Variants in PPIE observed in about 807,000 individuals in gnomAD.
PPIE encodes peptidylprolyl isomerase E, also known as peptidyl-prolyl cis-trans isomerase E.
A neutral mutation model predicts 38.4 loss-of-function variants in PPIE; 20 were observed. The observed-to-expected ratio is 0.52, with a 90% confidence interval of 0.37 to 0.76. The LOEUF (loss-of-function observed/expected upper bound fraction) is 0.76. Among genes scored for constraint, PPIE ranks in the 30% least tolerant of loss-of-function variants. PPIE has a pLI of 0.00. For missense variants in PPIE, 322 were observed against 385.8 expected (o/e 0.83, Z 1.39); for synonymous variants, 142 against 135.7 (o/e 1.05, Z -0.32).
chr1:39,758,540 T>C, downstream of PPIE: 2 of 152,326 alleles, frequency 1.3e-5, 1 homozygote, highest in Non-Finnish European at 2.9e-5. Flanking sequence ...TTCCATGTTA[T>C]GTGCCAACTC....
rs988514613 is a variant in PPIE, at chr1:39,745,518, C to G, written c.508+20C>G. On this transcript the variant is annotated intron_variant, in intron 7 of 9. Coordinates refer to ENST00000324379, the MANE Select transcript of PPIE (RefSeq NM_006112.4). The stretch of plus-strand genomic sequence containing the variant: ...CAGCAGGTGAGCAGGACGCTGTGGT[C>G]AGAACGGCGGGACGCTGGTGGCTGA... The G allele has an allele frequency of 1.9e-6, 3 of 1,614,012 alleles. No homozygotes were observed. The highest frequency in any genetic ancestry group is 2.5e-6 in the Non-Finnish European group (3 of 1,180,016).
Position 39,752,946 on chromosome 1 carries a change from A to T in PPIE, c.731A>T (p.Asn244Ile). 1 of 1,614,106 alleles carries T rather than the reference A, an allele frequency of 6.2e-7. No homozygotes were observed. Among genetic ancestry groups the T allele is most frequent in the South Asian group, 1.1e-5 (1 of 91,082 alleles). ...LSMANSGPNT[N>I]GSQFFLTCDK... ...ATGGCCAACTCTGGCCCAAACACCA[A>T]TGGCTCTCAGTTCTTCCTGACATGT... The change falls in exon 9 of 10, where the codon AAT (asparagine) becomes ATT (isoleucine). Residue 244 changes from asparagine to isoleucine, a missense_variant. Physicochemically the swap from Asn to Ile is moderately radical, Grantham distance 149. Coordinates refer to ENST00000324379, the MANE Select transcript of PPIE (RefSeq NM_006112.4).
chr1:39,749,037 T>G lies in PPIE; in HGVS notation c.643T>G (p.Tyr215Asp), dbSNP rs368373757. ...CAATGGCACTGGGGGCAAGTCCATC[T>G]ATGGGAAGAAGTTCGATGATGAAAA... ...NHNGTGGKSI[Y>D]GKKFDDENFI... Residue 215 changes from tyrosine (Y) to aspartate (D), a missense_variant, in exon 8 of 10, where the codon TAT (tyrosine) becomes GAT (aspartate). Physicochemically the swap from Tyr to Asp is radical, Grantham distance 160. Coordinates refer to ENST00000324379, the MANE Select transcript of PPIE (RefSeq NM_006112.4). 1 of 1,610,444 alleles carries G rather than the reference T, an allele frequency of 6.2e-7. No homozygotes were observed. The highest frequency in any genetic ancestry group is 1.1e-5 in the South Asian group (1 of 90,270).
chr1:39,745,529 G>C (rs1647180280), intron 7 of PPIE, 31 bp downstream of exon 7: 2 of 1,613,808 alleles, frequency 1.2e-6, no homozygotes, highest in East Asian at 4.5e-5. Context: ...AGAACGGCGG[G>C]ACGCTGGTGG....
At position 39,741,886 on chromosome 1, in the gene PPIE, C is replaced by T; in HGVS notation, c.175-9C>T. ...AGCCTAAACTTGTACCTTTGTCTTT[C>T]CTTGGCAGGATGCTGCAGCAGCTAT... On this transcript the variant is annotated splice_polypyrimidine_tract_variant and intron_variant, in intron 3 of 9. Coordinates refer to ENST00000324379, the MANE Select transcript of PPIE (RefSeq NM_006112.4). 6.2e-7 allele frequency: 1 copy of T among 1,614,192 alleles called. No individual in the cohort carries two copies. Among genetic ancestry groups the T allele is most frequent in the Non-Finnish European group, 8.5e-7 (1 of 1,180,010 alleles).
downstream of PPIE, chr1:39,758,633 C>G (rs940274228): frequency 2.6e-5 from 4 of 152,258 alleles, no homozygotes; most frequent in African/African-American, 9.7e-5. Context: ...TAGACAGATT[C>G]TTTGGCTGAA....
Position 39,756,766 on chromosome 1 carries a change from T to C in PPIE, c.*3411T>C, listed in dbSNP as rs137926170. On this transcript the variant is annotated 3_prime_UTR_variant, in exon 10 of 10. Transcript: ENST00000324379. ...GCCTAGAAATAAAGCCACAAAAATA[T>C]TAATAGTGTGTTTATTTGACTTGTG... The C allele has an allele frequency of 6.7e-4, 163 of 241,552 alleles. 3 individuals carry two copies. Among genetic ancestry groups the C allele is most frequent in the African/African-American group, 3.5e-3 (150 of 43,224 alleles). 15.0% of individuals were successfully genotyped at this position (241,552 alleles called of 1,614,324 possible).
intron 8 of PPIE, among the ~76,000 whole-genome samples, chr1:39,749,987 G>A (rs71642698): frequency 6.6e-6 from 1 of 152,090 alleles, no homozygotes; most frequent in Non-Finnish European, 1.5e-5. Flanking sequence ...TATAAAATTA[G>A]CCGGGCGTGG....
downstream of PPIE, chr1:39,758,369 AGGCAT>A (rs1283010236): frequency 6.6e-6 from 1 of 152,326 alleles, no homozygotes; most frequent in African/African-American, 2.4e-5. Context: ...CTGGGATTAT[AGGCAT>A]GCACCACCAT....
At chr1:39,762,055 G>C (rs941043339) in intron 9 of PPIE, among the ~76,000 whole-genome samples, 5 of 152,200 alleles carry the variant, frequency 3.3e-5, no homozygotes, top group Admixed American at 3.3e-4. Context: ...GGGTGGCTGG[G>C]CTGGGCCGCC....
At position 39,753,831 on chromosome 1, in the gene PPIE, G is replaced by C; in HGVS notation, c.*476G>C. The C allele has an allele frequency of 2.0e-6, 2 of 991,486 alleles. No homozygotes were observed. 61.4% of individuals were successfully genotyped at this position (991,486 alleles called of 1,614,324 possible). On this transcript the variant is annotated 3_prime_UTR_variant, in exon 10 of 10. Transcript: ENST00000324379. ...CAGCTTTCATTTCCTCCCTTGGGCC[G>C]ATCCCCTTAGATGTCAGGTGATGTA... is the stretch of plus-strand genomic sequence containing the variant.
At chr1:39,743,979 T>A in intron 6 of PPIE, 55 bp downstream of exon 6, 1 of 877,234 alleles carries the variant, frequency 1.1e-6, no homozygotes, top group Non-Finnish European at 1.6e-6. Flanking sequence ...CACAGGAGAC[T>A]TTTTTTTTTA....
intron 5 of PPIE, 51 bp downstream of exon 5, chr1:39,743,348 T>C (rs779079908): frequency 6.5e-7 from 1 of 1,542,108 alleles, no homozygotes; most frequent in Non-Finnish European, 9.0e-7. Context: ...AGTTTGGCCT[T>C]AGTTGCATTT....
intron 8 of PPIE, 69 bp downstream of exon 8, chr1:39,749,157 G>T (rs1250052391): frequency 8.1e-6 from 12 of 1,477,888 alleles, no homozygotes; most frequent in South Asian, 1.3e-5. Flanking sequence ...CAGGATGGAA[G>T]GACAGGTTGT....
In PPIE at chr1:39,745,444, C is replaced by T; in HGVS notation, c.454C>T (p.Pro152Ser). The T allele has an allele frequency of 6.2e-7, 1 of 1,614,266 alleles. No homozygotes were observed. The highest frequency in any genetic ancestry group is 8.5e-7 in the Non-Finnish European group (1 of 1,180,050). ...VYMDIKIGNK[P>S]AGRIQMLLRS... ...CATGGACATCAAGATTGGGAACAAG[C>T]CGGCTGGCCGCATCCAGATGCTCCT... Residue 152 changes from proline (P) to serine (S), a missense_variant, in exon 7 of 10, where the codon CCG (proline) becomes TCG (serine). Coordinates refer to ENST00000324379, the MANE Select transcript of PPIE (RefSeq NM_006112.4).
In PPIE at chr1:39,742,120, T is replaced by G. The variant is rs560571000; in HGVS notation, c.201+199T>G. 2.6e-5 allele frequency: 15 copies of G among 580,622 alleles called. No homozygotes were observed. The South Asian group carries it at 3.2e-4, about 12-fold the overall frequency. 36.0% of individuals were successfully genotyped at this position (580,622 alleles called of 1,614,324 possible). ...AGACTCCTTCGCCATTTCAGAATAA[T>G]GTAAGTCCTCATCATCCTTGTTGAC... On this transcript the variant is annotated intron_variant, in intron 4 of 9. Transcript: ENST00000324379.
At chr1:39,762,626 A>G (rs1043731836) in intron 9 of PPIE, 3 of 1,547,966 alleles carry the variant, frequency 1.9e-6, no homozygotes, top group African/African-American at 2.7e-5. Flanking sequence ...ACCATCTAGA[A>G]GCTTCCTGCC....
At chr1:39,762,813 G>C (rs1488119387) in intron 9 of PPIE, among the ~76,000 whole-genome samples, 1 of 152,266 alleles carries the variant, frequency 6.6e-6, no homozygotes, top group African/African-American at 2.4e-5. Flanking sequence ...ACACAGGTGC[G>C]TAAGTGTCCC....
At chr1:39,749,685 AG>A (rs1450378685) in intron 8 of PPIE, among the ~76,000 whole-genome samples, 1 of 152,078 alleles carries the variant, frequency 6.6e-6, no homozygotes, top group Non-Finnish European at 1.5e-5. Context: ...TGTCTCTCCT[AG>A]GCCAGCCTCT....
Sources: gnomAD v4.1 joint callset for allele counts (sites outside exome capture counted in the v4.1 genomes callset) on GRCh38, gnomAD v4.1.1 for gene constraint, MANE v1.5 for transcripts, NCBI Gene and HGNC (gene_info 2026-07-23, HGNC 2026-07-21) for gene names.